GABRB3: variants seen among roughly 807,000 people sequenced by gnomAD.
GABRB3 encodes the protein gamma-aminobutyric acid type A receptor subunit beta3.
In GABRB3, 14 loss-of-function variants were observed where a neutral mutation model predicts 52.1. That is an observed-to-expected ratio of 0.27 (90% CI 0.18 to 0.42). The LOEUF is 0.42. Among genes scored for constraint, GABRB3 ranks in the 10% least tolerant of loss-of-function variants. GABRB3 has a pLI of 1.00. For missense variants in GABRB3, 307 were observed against 609.1 expected (o/e 0.50, Z 5.22); for synonymous variants, 260 against 232.3 (o/e 1.12, Z -1.08).
chr15:26,574,132 G>C (rs1277059761), intron 6 of GABRB3, among the ~76,000 whole-genome samples: 1 of 152,156 alleles, frequency 6.6e-6, no homozygotes, highest in Admixed American at 6.5e-5. Context: ...TTTTTCCAAA[G>C]ATAGAGAAAC....
chr15:26,719,220 A>T (rs923200903), intron 3 of GABRB3, among the ~76,000 whole-genome samples: 1 of 152,242 alleles, frequency 6.6e-6, no homozygotes, highest in Non-Finnish European at 1.5e-5. Context: ...GCAGGTGCCC[A>T]TGAGTGTTTG....
intron 3 of GABRB3, among the ~76,000 whole-genome samples, chr15:26,661,336 C>T (rs1458364377): frequency 2.0e-5 from 3 of 152,074 alleles, no homozygotes; most frequent in South Asian, 2.1e-4. Flanking sequence ...CACATGTACA[C>T]GCACACACAC....
chr15:26,709,537 T>G (rs1161168980), intron 3 of GABRB3, among the ~76,000 whole-genome samples: 3 of 102,656 alleles, frequency 2.9e-5, no homozygotes, highest in Non-Finnish European at 6.5e-5. Context: ...TTTTTTTTTT[T>G]GAGACAGTCT....
chr15:26,728,785 CT>C (rs1471832758), intron 3 of GABRB3, among the ~76,000 whole-genome samples: 1 of 152,226 alleles, frequency 6.6e-6, no homozygotes. Flanking sequence ...CAAAAGATCT[CT>C]GGTCCTGTCT....
At chr15:26,637,918 CCA>C (rs1424851454) in intron 3 of GABRB3, among the ~76,000 whole-genome samples, 4 of 152,144 alleles carry the variant, frequency 2.6e-5, no homozygotes, top group African/African-American at 7.2e-5. Flanking sequence ...TTCTGCCTAG[CCA>C]CTGACACCAA....
At chr15:26,633,873 C>T (rs1892972176) in intron 3 of GABRB3, among the ~76,000 whole-genome samples, 3 of 152,244 alleles carry the variant, frequency 2.0e-5, no homozygotes, top group African/African-American at 7.2e-5. Flanking sequence ...GCCCCTTCTT[C>T]AGGGCTGAAA....
At chr15:26,606,805 T>TAGATAGATAGATAG (rs1398253433) in intron 4 of GABRB3, among the ~76,000 whole-genome samples, 1 of 117,950 alleles carries the variant, frequency 8.5e-6, no homozygotes. Context: ...TAGATATATC[T>TAGATAGATAGATAG]ATAGATAGAT....
chr15:26,570,444 G>C (rs1297954484), intron 6 of GABRB3, among the ~76,000 whole-genome samples: 2 of 152,166 alleles, frequency 1.3e-5, no homozygotes, highest in Non-Finnish European at 2.9e-5. Flanking sequence ...TGCGCGACTT[G>C]GGCACATTTG....
At chr15:26,761,145 A>G (rs1890810856) in intron 3 of GABRB3, among the ~76,000 whole-genome samples, 1 of 152,216 alleles carries the variant, frequency 6.6e-6, no homozygotes, top group African/African-American at 2.4e-5. Flanking sequence ...CTATAATCTT[A>G]GCACTTTGGG....
chr15:26,661,494 C>T (rs1887549722), intron 3 of GABRB3, among the ~76,000 whole-genome samples: 1 of 152,086 alleles, frequency 6.6e-6, no homozygotes, highest in African/African-American at 2.4e-5. Context: ...ACGAGGCATC[C>T]CTTTTCATCA....
chr15:26,729,499 T>C (rs1048304013), intron 3 of GABRB3, among the ~76,000 whole-genome samples: 8 of 152,168 alleles, frequency 5.3e-5, no homozygotes, highest in African/African-American at 9.7e-5. Context: ...GCTAGCCTTT[T>C]AGGAGGCCTG....
intron 4 of GABRB3, among the ~76,000 whole-genome samples, chr15:26,611,501 T>C (rs1892070290): frequency 1.3e-5 from 2 of 152,176 alleles, no homozygotes; most frequent in African/African-American, 2.4e-5. Flanking sequence ...TGTGTACTTA[T>C]TGAATAAAAG....
chr15:26,546,016 G>C lies in GABRB3; in HGVS notation c.*1777C>G, dbSNP rs917055821. ...AAGTAGTGGTCAGCTCATGGGGATA[G>C]TCCACACCACACGCATCCTCGGGGA... On this transcript the variant is annotated 3_prime_UTR_variant, in exon 9 of 9. Transcript: ENST00000311550. 2 of 152,608 alleles carry C rather than the reference G, an allele frequency of 1.3e-5. No homozygotes were observed. Among genetic ancestry groups the C allele is most frequent in the African/African-American group, 4.8e-5 (2 of 41,430 alleles). The allele number at this position is 152,608 out of a possible 1,614,324, so 9.5% of individuals were successfully genotyped here.
chr15:26,632,988 G>A (rs752389665), intron 3 of GABRB3, among the ~76,000 whole-genome samples: 1 of 152,052 alleles, frequency 6.6e-6, no homozygotes, highest in Non-Finnish European at 1.5e-5. Flanking sequence ...GCTGCCCCCA[G>A]CCCCCACTAT....
At chr15:26,626,569 A>G (rs1892703417) in intron 3 of GABRB3, among the ~76,000 whole-genome samples, 1 of 152,168 alleles carries the variant, frequency 6.6e-6, no homozygotes, top group Non-Finnish European at 1.5e-5. Context: ...TAAAAGTGCT[A>G]CTCTGGGGAA....
chr15:26,567,436 T>C lies in GABRB3; in HGVS notation c.835+145A>G. 7 of 736,530 alleles carry C rather than the reference T, an allele frequency of 9.5e-6. No individual in the cohort carries two copies. In the South Asian group the frequency reaches 1.1e-4, roughly 12 times the overall value. 45.6% of individuals were successfully genotyped at this position (736,530 alleles called of 1,614,324 possible). On this transcript the variant is annotated intron_variant, in intron 7 of 8. Coordinates refer to ENST00000311550, the MANE Select transcript of GABRB3 (RefSeq NM_000814.6). ...TCAAGGGAATCGTGCGTGAAATTAG[T>C]GTTTCAAGATAAAAAGTGACTATAC...
At chr15:26,679,222 TG>T (rs1888163163) in intron 3 of GABRB3, among the ~76,000 whole-genome samples, 1 of 152,222 alleles carries the variant, frequency 6.6e-6, no homozygotes, top group South Asian at 2.1e-4. Context: ...AAAGTCCCTC[TG>T]CCCTCTGGTA....
In GABRB3 at chr15:26,690,275, C is replaced by T. The variant is rs182360609; in HGVS notation, c.241-68741G>A. Among the ~76,000 whole-genome samples the T allele has an allele frequency of 4.6e-3, 694 of 151,970 alleles. 9 individuals are homozygous for T. The highest frequency in any genetic ancestry group is 0.016 in the African/African-American group (658 of 41,468). Reference sequence around the variant, plus strand: ...TAAACTTTTTGTAGTGACAGGGTCTCACTATGTTGCCCAGACTGGTCTTGA... The same window carrying T: ...TAAACTTTTTGTAGTGACAGGGTCTTACTATGTTGCCCAGACTGGTCTTGA... On this transcript the variant is annotated intron_variant, in intron 3 of 8. Coordinates refer to ENST00000311550, the MANE Select transcript of GABRB3 (RefSeq NM_000814.6).
At chr15:26,583,869 G>C (rs1215981660) in intron 4 of GABRB3, among the ~76,000 whole-genome samples, 1 of 150,846 alleles carries the variant, frequency 6.6e-6, no homozygotes, top group African/African-American at 2.4e-5. Context: ...CCAACTCCCA[G>C]GTTCACGCCG....
Sources: gnomAD v4.1 joint callset for allele counts (sites outside exome capture counted in the v4.1 genomes callset) on GRCh38, gnomAD v4.1.1 for gene constraint, MANE v1.5 for transcripts, NCBI Gene and HGNC (gene_info 2026-07-23, HGNC 2026-07-21) for gene names.